Variants in MYBL2 observed in about 807,000 individuals in gnomAD.
MYBL2 encodes the protein myb-related protein B.
A neutral mutation model predicts 79.9 loss-of-function variants in MYBL2; 28 were observed. The observed-to-expected ratio is 0.35, with a 90% CI of 0.26 to 0.48. MYBL2 has a LOEUF of 0.48. Ranked by LOEUF, MYBL2 falls within the 20% of genes least tolerant of loss-of-function variation. The pLI is 0.99. For synonymous variants in MYBL2, 378 were observed against 361.2 expected (o/e 1.05, Z -0.53); for missense variants, 735 against 893.9 (o/e 0.82, Z 2.27).
rs1436125231 is a variant in MYBL2 at position 43,684,476 on chromosome 20, C to T, written c.279+1590C>T. ...GGTCTTGAACTCCTGACCTTGTGAT[C>T]TACCCACCTCAGCCTCCCAAAGTGC... On this transcript the variant is annotated intron_variant, in intron 4 of 13. Coordinates refer to ENST00000217026, the MANE Select transcript of MYBL2 (RefSeq NM_002466.4). Among the ~76,000 whole-genome samples the T allele has an allele frequency of 2.6e-5, 4 of 150,972 alleles. No homozygotes were observed. The East Asian group carries it at 7.8e-4, about 29-fold the overall frequency.
In MYBL2 at chr20:43,667,219, G is replaced by A; in HGVS notation, c.-65G>A. 1 of 1,164,028 alleles carries A rather than the reference G, an allele frequency of 8.6e-7. No homozygotes were observed. Among genetic ancestry groups the A allele is most frequent in the Non-Finnish European group, 1.1e-6 (1 of 939,594 alleles). The allele number at this position is 1,164,028 out of a possible 1,614,324, so 72.1% of individuals were successfully genotyped here. The stretch of plus-strand genomic sequence containing the variant: ...CCGGAGCAGCCCGGGTCCTGACCCC[G>A]GCCCGGCTCCCGCTCCGGGCTCTGC... On this transcript the variant is annotated 5_prime_UTR_variant, in exon 1 of 14. Coordinates refer to ENST00000217026, the MANE Select transcript of MYBL2 (RefSeq NM_002466.4).
intron 1 of MYBL2, among the ~76,000 whole-genome samples, chr20:43,672,748 A>G (rs1243707012): frequency 6.6e-6 from 1 of 152,172 alleles, no homozygotes; most frequent in East Asian, 1.9e-4. Context: ...CTCTGTCCCT[A>G]AAAGAAGAAA....
chr20:43,691,869 A>T (rs1438953510), intron 5 of MYBL2, among the ~76,000 whole-genome samples: 1 of 151,116 alleles, frequency 6.6e-6, no homozygotes, highest in African/African-American at 2.4e-5. Flanking sequence ...ATTAAAAAAA[A>T]TTTTGTTTTT....
At chr20:43,704,670 C>T (rs147373519) in intron 8 of MYBL2, among the ~76,000 whole-genome samples, 46 of 152,322 alleles carry the variant, frequency 3.0e-4, no homozygotes, top group African/African-American at 1.1e-3. Flanking sequence ...ACTTCTAGCA[C>T]TCAGTGCAAG....
intron 10 of MYBL2, 143 bp downstream of exon 10, chr20:43,710,205 A>C: frequency 1.5e-6 from 1 of 684,648 alleles, no homozygotes. Flanking sequence ...CTGATAATAT[A>C]AATGGGGAAG....
chr20:43,711,755 G>A (rs1393763409), intron 11 of MYBL2, among the ~76,000 whole-genome samples, 154 bp downstream of exon 11: 1 of 152,104 alleles, frequency 6.6e-6, no homozygotes, highest in Non-Finnish European at 1.5e-5. Context: ...GGTTGTTGAG[G>A]AAACTGACAA....
In MYBL2 at chr20:43,709,830, G is replaced by A. The variant is rs1987865774; in HGVS notation, c.1506-133G>A. 8 of 692,782 alleles carry A rather than the reference G, an allele frequency of 1.2e-5. No homozygotes were observed. The Admixed American group carries it at 2.2e-4, about 19-fold the overall frequency. 42.9% of individuals were successfully genotyped at this position (692,782 alleles called of 1,614,324 possible). Reference sequence around the variant, plus strand: ...CGAGCCCCTGACTTGGACCTGCAGGGTGGGGAGAGGGATGGGACGAGAACC... The same window carrying A: ...CGAGCCCCTGACTTGGACCTGCAGGATGGGGAGAGGGATGGGACGAGAACC... On this transcript the variant is annotated intron_variant, in intron 9 of 13. Transcript: ENST00000217026.
At position 43,716,274 on chromosome 20, in the gene MYBL2, G is replaced by A. The variant is rs951726010; in HGVS notation, c.*187G>A. ...CCTGTTGCCGAGCCCAGCTGTGGGC[G>A]GCTCCTGGTGCTAACAACAAAGTTC... On this transcript the variant is annotated 3_prime_UTR_variant, in exon 14 of 14. Transcript: ENST00000217026. 2.0e-5 allele frequency: 17 copies of A among 839,574 alleles called. No homozygotes were observed. The highest frequency in any genetic ancestry group is 2.8e-5 in the Non-Finnish European group (16 of 569,602). The allele number at this position is 839,574 out of a possible 1,614,324, so 52.0% of individuals were successfully genotyped here.
rs1315485075 is a variant in MYBL2 at position 43,681,875 on chromosome 20, G to A, written c.186+20G>A. ...TTCCCTGTGAGTACAGTCCTGCTGT[G>A]GCCCTCCCTCGGGGCAAGGGCTCTG... On this transcript the variant is annotated intron_variant, in intron 3 of 13. Coordinates refer to ENST00000217026, the MANE Select transcript of MYBL2 (RefSeq NM_002466.4). 1.9e-6 allele frequency: 3 copies of A among 1,613,354 alleles called. No homozygotes were observed.
At chr20:43,689,267 G>T (rs1259861003) in intron 5 of MYBL2, among the ~76,000 whole-genome samples, 1 of 152,160 alleles carries the variant, frequency 6.6e-6, no homozygotes, top group African/African-American at 2.4e-5. Context: ...AATGCCAGAT[G>T]GTGTGTTTTC....
At chr20:43,697,411 G>T (rs1012101766) in intron 6 of MYBL2, among the ~76,000 whole-genome samples, 42 of 151,340 alleles carry the variant, frequency 2.8e-4, no homozygotes, top group Admixed American at 8.6e-4. Flanking sequence ...GGAGTTTGAG[G>T]CCAGCCTGGC....
Position 43,683,551 on chromosome 20 carries a change from A to AAGGGAACTAGGCC in MYBL2, c.279+665_279+666insAGGGAACTAGGCC, listed in dbSNP as rs1987194221. On this transcript the variant is annotated intron_variant, in intron 4 of 13. Coordinates refer to ENST00000217026, the MANE Select transcript of MYBL2 (RefSeq NM_002466.4). Reference sequence around the variant, plus strand: ...AAGAGGGAGATGAAGGGAACTAGGCATTTTTTTTTTTTTTTTTTTTGAGAC... The same window carrying AAGGGAACTAGGCC: ...AAGAGGGAGATGAAGGGAACTAGGCAAGGGAACTAGGCCTTTTTTTTTTTTTTTTTTTTGAGAC... Among the ~76,000 whole-genome samples the AAGGGAACTAGGCC allele has an allele frequency of 1.3e-4, 18 of 137,844 alleles. 1 individual carries two copies. The highest frequency in any genetic ancestry group is 1.1e-3 in the East Asian group (5 of 4,756). 90.4% of individuals were successfully genotyped at this position (137,844 alleles called of 152,430 possible).
At chr20:43,715,894 A>G (rs1222698716) in intron 13 of MYBL2, 65 bp from the exon 14 acceptor site, 1 of 1,528,356 alleles carries the variant, frequency 6.5e-7, no homozygotes, top group Non-Finnish European at 8.8e-7. Flanking sequence ...CCTGGCCAGG[A>G]TCACCAGGGT....
At chr20:43,708,256 T>C (rs1290473526) in intron 9 of MYBL2, among the ~76,000 whole-genome samples, 1 of 152,058 alleles carries the variant, frequency 6.6e-6, no homozygotes, top group African/African-American at 2.4e-5. Flanking sequence ...TGCACCACCA[T>C]GCTTGGCTAA....
chr20:43,693,059 GTT>G (rs1349046883), intron 6 of MYBL2, among the ~76,000 whole-genome samples: 1 of 152,080 alleles, frequency 6.6e-6, no homozygotes, highest in Admixed American at 6.6e-5. Context: ...TTGAGACAGA[GTT>G]TTGCTCTGAT....
chr20:43,677,872 G>C (rs956920641), intron 2 of MYBL2, among the ~76,000 whole-genome samples: 2 of 152,234 alleles, frequency 1.3e-5, no homozygotes, highest in African/African-American at 4.8e-5. Context: ...AGAGGGGAAA[G>C]GTGGGGAAAA....
At chr20:43,710,830 T>A (rs898210942) in intron 10 of MYBL2, among the ~76,000 whole-genome samples, 3 of 152,188 alleles carry the variant, frequency 2.0e-5, no homozygotes, top group African/African-American at 7.2e-5. Context: ...TAGTTAGTGC[T>A]CCTTTCCTGT....
At position 43,702,900 on chromosome 20, in the gene MYBL2, C is replaced by G; in HGVS notation, c.1362C>G (p.Ser454=). The part of the protein sequence containing the change: ...TPVKTLPFSP[S]QFLNFWNKQD... ...TTAAGACCCTGCCCTTCTCGCCCTCCCAGGTGCGTGGACCCCACTCTGGCT... is the reference window on the plus strand; with the variant it reads ...TTAAGACCCTGCCCTTCTCGCCCTCGCAGGTGCGTGGACCCCACTCTGGCT... The change falls in exon 8 of 14, where the codon TCC becomes TCG. Residue 454 remains serine (S), a synonymous_variant. Transcript: ENST00000217026. The G allele has an allele frequency of 6.3e-7, 1 of 1,586,556 alleles. No homozygotes were observed. Among genetic ancestry groups the G allele is most frequent in the South Asian group, 1.1e-5 (1 of 88,340 alleles).
chr20:43,679,689 G>A (rs1181217136), intron 2 of MYBL2, among the ~76,000 whole-genome samples: 1 of 152,112 alleles, frequency 6.6e-6, no homozygotes, highest in Non-Finnish European at 1.5e-5. Context: ...GCCGAGGCAG[G>A]AGATTGCTTG....
Sources: gnomAD v4.1 joint callset for allele counts (sites outside exome capture counted in the v4.1 genomes callset) on GRCh38, gnomAD v4.1.1 for gene constraint, MANE v1.5 for transcripts, NCBI Gene and HGNC (gene_info 2026-07-23, HGNC 2026-07-21) for gene names.